KLRF1: variants seen among roughly 807,000 people sequenced by gnomAD.
The protein encoded by KLRF1 is killer cell lectin-like receptor subfamily F member 1.
Under a neutral mutation model 30.7 loss-of-function variants are expected in KLRF1, and 27 were observed. The ratio of observed to expected loss-of-function variants is 0.88; its 90% CI spans 0.65 to 1.21. The LOEUF is 1.21. KLRF1 is among the 50% of genes most tolerant of loss of function. The pLI is 0.00. For synonymous variants in KLRF1, 92 were observed against 89.3 expected (o/e 1.03, Z -0.17); for missense variants, 246 against 259.3 (o/e 0.95, Z 0.35).
At chr12:9,815,192 AAGAACTAT>A in the KLRF1 span, among the ~76,000 whole-genome samples, 3 of 152,252 alleles carry the variant, frequency 2.0e-5, no homozygotes, top group African/African-American at 7.2e-5. Flanking sequence ...TGATGATAAC[AAGAACTAT>A]AGAAATTGCA....
At chr12:9,832,238 T>A (rs1867444967) in intron 1 of KLRF1, 78 bp from the exon 2 acceptor site, 1 of 775,394 alleles carries the variant, frequency 1.3e-6, no homozygotes, top group Non-Finnish European at 2.2e-6. Context: ...TTTTATACAA[T>A]CCTATTATTA....
At chr12:9,829,754 G>T (rs1867369072) in intron 1 of KLRF1, among the ~76,000 whole-genome samples, 1 of 152,166 alleles carries the variant, frequency 6.6e-6, no homozygotes, top group Admixed American at 6.5e-5. Flanking sequence ...GCGAGACCCT[G>T]TCTCAAATAA....
chr12:9,835,382 G>A (rs974564935), intron 3 of KLRF1, among the ~76,000 whole-genome samples: 2 of 152,024 alleles, frequency 1.3e-5, no homozygotes, highest in Admixed American at 6.6e-5. Context: ...AATGGGGACT[G>A]GTGGGGTAAC....
Position 9,832,419 on chromosome 12 carries a change from GT to G in KLRF1, c.184+8del. 1 of 1,477,492 alleles carries G rather than the reference GT, an allele frequency of 6.8e-7. No individual in the cohort carries two copies. The highest frequency in any genetic ancestry group is 9.4e-7 in the Non-Finnish European group (1 of 1,059,554). The allele number at this position is 1,477,492 out of a possible 1,614,324, so 91.5% of individuals were successfully genotyped here. A position where few individuals can be genotyped will look rare whatever the true frequency, so the allele number is the denominator to read the frequency against. Reference sequence around the variant, plus strand: ...TGATCTCCTTGATCCTGTTGGGTAAGTTTAGAAGATCTTAATTAAATAAAAA... The same window carrying G: ...TGATCTCCTTGATCCTGTTGGGTAAGTTAGAAGATCTTAATTAAATAAAAA... On this transcript the variant is annotated splice_donor_region_variant and intron_variant, in intron 2 of 5. Coordinates refer to ENST00000617889, the MANE Select transcript of KLRF1 (RefSeq NM_016523.3).
the KLRF1 span, among the ~76,000 whole-genome samples, chr12:9,805,165 G>T: frequency 6.6e-6 from 1 of 151,906 alleles, no homozygotes. Context: ...TATTCCTGCT[G>T]CTGTAACAAA....
chr12:9,832,618 G>C (rs1403886394), intron 2 of KLRF1, among the ~76,000 whole-genome samples: 1 of 151,362 alleles, frequency 6.6e-6, no homozygotes, highest in Admixed American at 6.6e-5. Flanking sequence ...CCCTCAAGTG[G>C]CATACAGTCT....
upstream of KLRF1, among the ~76,000 whole-genome samples, chr12:9,825,260 TA>T (rs35934573): frequency 3.0e-4 from 41 of 138,056 alleles, no homozygotes; most frequent in African/African-American, 4.0e-4. Context: ...AAGGTACTGG[TA>T]AAAAAAAAAA....
At chr12:9,812,721 C>T in the KLRF1 span, among the ~76,000 whole-genome samples, 1 of 152,070 alleles carries the variant, frequency 6.6e-6, no homozygotes, top group Non-Finnish European at 1.5e-5. Flanking sequence ...TATTTTATCA[C>T]CTGAAATACA....
intron 3 of KLRF1, among the ~76,000 whole-genome samples, chr12:9,838,948 C>A (rs1867645327): frequency 6.6e-6 from 1 of 151,970 alleles, no homozygotes; most frequent in African/African-American, 2.4e-5. Context: ...TGAATTGTGC[C>A]CTCCCCCTAA....
intron 5 of KLRF1, among the ~76,000 whole-genome samples, chr12:9,843,945 A>G (rs992192332): frequency 2.6e-5 from 4 of 152,154 alleles, no homozygotes; most frequent in African/African-American, 9.7e-5. Flanking sequence ...TAAGTAAATA[A>G]TGCAATAAAT....
At chr12:9,832,924 G>A (rs1274464035) in intron 2 of KLRF1, among the ~76,000 whole-genome samples, 1 of 152,112 alleles carries the variant, frequency 6.6e-6, no homozygotes, top group East Asian at 1.9e-4. Flanking sequence ...TGATATTCTA[G>A]TGGGAGAAGC....
chr12:9,841,896 T>A lies in KLRF1; in HGVS notation c.419T>A (p.Val140Glu). 2 of 1,612,038 alleles carry A rather than the reference T, an allele frequency of 1.2e-6. No individual in the cohort carries two copies. The highest frequency in any genetic ancestry group is 1.7e-6 in the Non-Finnish European group (2 of 1,178,550). Reference sequence around the variant, plus strand: ...ATGAAAAGCTGGAGTGACAGTTATGTGTATTGTTTGGAAAGAAAATCTCAT... The same window carrying A: ...ATGAAAAGCTGGAGTGACAGTTATGAGTATTGTTTGGAAAGAAAATCTCAT... ...NEMKSWSDSY[V>E]YCLERKSHLL... The change falls in exon 4 of 6, where the codon GTG becomes GAG. Residue 140 changes from valine (V) to glutamate (E), a missense_variant. Coordinates refer to ENST00000617889, the MANE Select transcript of KLRF1 (RefSeq NM_016523.3).
chr12:9,834,749 C>T (rs1867532115), intron 3 of KLRF1, among the ~76,000 whole-genome samples: 1 of 152,042 alleles, frequency 6.6e-6, no homozygotes, highest in African/African-American at 2.4e-5. Context: ...TAATTACTTG[C>T]TTGGTTGGCA....
At chr12:9,817,526 A>G in the KLRF1 span, 1 of 377,262 alleles carries the variant, frequency 2.7e-6, no homozygotes, top group Non-Finnish European at 5.3e-6. Context: ...TTTCAAGGTC[A>G]AGCAAGAAAC....
chr12:9,803,103 C>T, the KLRF1 span, among the ~76,000 whole-genome samples: 1 of 151,998 alleles, frequency 6.6e-6, no homozygotes, highest in Non-Finnish European at 1.5e-5. Context: ...GTACTGGTAC[C>T]AAAGCAGACA....
At chr12:9,810,427 A>G in the KLRF1 span, among the ~76,000 whole-genome samples, 3 of 151,016 alleles carry the variant, frequency 2.0e-5, no homozygotes, top group Admixed American at 1.3e-4. Flanking sequence ...GATAGGTCTG[A>G]TTCACAAACT....
chr12:9,821,977 C>T, the KLRF1 span, among the ~76,000 whole-genome samples: 4 of 152,246 alleles, frequency 2.6e-5, no homozygotes, highest in African/African-American at 7.2e-5. Flanking sequence ...TGCACAAAGC[C>T]TCAACCCTGT....
chr12:9,820,337 T>A, the KLRF1 span, among the ~76,000 whole-genome samples: 2 of 152,222 alleles, frequency 1.3e-5, no homozygotes, highest in African/African-American at 2.4e-5. Flanking sequence ...GTGGCCAGAT[T>A]GTTACATGAC....
the KLRF1 span, among the ~76,000 whole-genome samples, chr12:9,803,890 T>A: frequency 1.3e-5 from 2 of 152,072 alleles, no homozygotes; most frequent in Non-Finnish European, 2.9e-5. Context: ...AATTTGTTCT[T>A]CTCTTTCAAT....
Sources: allele counts gnomAD v4.1 joint callset (sites outside exome capture counted in the v4.1 genomes callset), GRCh38; gene constraint gnomAD v4.1.1; transcripts MANE v1.5; gene names NCBI Gene and HGNC (gene_info 2026-07-23, HGNC 2026-07-21).